Variants in HESX1 observed in about 807,000 individuals in gnomAD.
HESX1 encodes HESX homeobox 1.
Under a neutral mutation model 22.5 loss-of-function variants are expected in HESX1, and 11 were observed. The ratio of observed to expected loss-of-function variants is 0.49; its 90% CI spans 0.31 to 0.81. HESX1 has a LOEUF of 0.81. Ranked by LOEUF, HESX1 falls within the 30% of genes least tolerant of loss-of-function variation. The pLI, the probability that HESX1 is intolerant of heterozygous loss-of-function variation, is 0.05. For synonymous variants in HESX1, 74 were observed against 76.5 expected (o/e 0.97, Z 0.17); for missense variants, 201 against 212.6 (o/e 0.95, Z 0.34).
At chr3:57,211,606 G>C (rs1421411291) in intron 1 of HESX1, among the ~76,000 whole-genome samples, 1 of 148,434 alleles carries the variant, frequency 6.7e-6, no homozygotes, top group Non-Finnish European at 1.5e-5. Flanking sequence ...GCCAAGGCAG[G>C]TGGATCACAA....
upstream of HESX1, among the ~76,000 whole-genome samples, chr3:57,200,837 G>A (rs1007691862): frequency 6.6e-6 from 1 of 152,148 alleles, no homozygotes; most frequent in Admixed American, 6.5e-5. Flanking sequence ...TGAGGGATGG[G>A]CAGAGGATGG....
At chr3:57,217,116 T>C (rs1285037822) in intron 1 of HESX1, among the ~76,000 whole-genome samples, 2 of 152,148 alleles carry the variant, frequency 1.3e-5, no homozygotes, top group Non-Finnish European at 2.9e-5. Context: ...GGATAAGCCA[T>C]TCCTCCAAGG....
In HESX1 at chr3:57,198,913, G is replaced by A. The variant is rs761319560; in HGVS notation, c.197C>T (p.Pro66Leu). The change falls in exon 2 of 4, where the codon CCC becomes CTC. Residue 66 changes from proline (P) to leucine (L), a missense_variant. Transcript: ENST00000295934. ...CACGCTAGGGAATGAAATCCCACTG[G>A]GAGGATTTGGGACATGTAGACATAA... is the stretch of plus-strand genomic sequence containing the variant. ...GNLCLHVPNP[P>L]SGISFPSVVD... The A allele has an allele frequency of 6.2e-7, 1 of 1,614,046 alleles. No homozygotes were observed. Among genetic ancestry groups the A allele is most frequent in the South Asian group, 1.1e-5 (1 of 91,066 alleles).
chr3:57,199,643 T>A (rs1279908694), intron 1 of HESX1, 119 bp downstream of exon 1: 9 of 565,562 alleles, frequency 1.6e-5, no homozygotes, highest in Non-Finnish European at 2.0e-5. Context: ...AAATAATAAA[T>A]AATAATAATA....
upstream of HESX1, among the ~76,000 whole-genome samples, chr3:57,202,596 T>TA (rs1423263599): frequency 1.3e-5 from 2 of 152,120 alleles, no homozygotes; most frequent in Non-Finnish European, 2.9e-5. Flanking sequence ...CTCGGCCTCC[T>TA]AAAGTGGTGG....
chr3:57,210,404 G>C (rs982800814), intron 1 of HESX1, among the ~76,000 whole-genome samples: 2 of 152,134 alleles, frequency 1.3e-5, no homozygotes, highest in African/African-American at 4.8e-5. Flanking sequence ...TACTAGGTCT[G>C]AGGTGTTTTG....
chr3:57,216,588 G>A (rs908016695), intron 1 of HESX1, among the ~76,000 whole-genome samples: 8 of 152,196 alleles, frequency 5.3e-5, no homozygotes, highest in African/African-American at 1.7e-4. Flanking sequence ...TCCAGGCTAG[G>A]TGAGAGTGAG....
chr3:57,226,819 T>C (rs1392258396), upstream of HESX1, among the ~76,000 whole-genome samples: 1 of 152,196 alleles, frequency 6.6e-6, no homozygotes, highest in Non-Finnish European at 1.5e-5. Flanking sequence ...TGTTATTTTC[T>C]CTGTATAATG....
chr3:57,226,973 G>T (rs1358541963), upstream of HESX1, among the ~76,000 whole-genome samples: 2 of 152,178 alleles, frequency 1.3e-5, no homozygotes, highest in Admixed American at 6.6e-5. Context: ...TAAAATTAGA[G>T]GCTAAAACTA....
intron 1 of HESX1, among the ~76,000 whole-genome samples, chr3:57,206,140 G>A (rs1361888075): frequency 1.3e-5 from 2 of 152,124 alleles, no homozygotes; most frequent in East Asian, 1.9e-4. Flanking sequence ...GCAGTGAGCC[G>A]AGATCACGCC....
chr3:57,219,124 C>T (rs1421494617), intron 1 of HESX1, among the ~76,000 whole-genome samples: 1 of 152,076 alleles, frequency 6.6e-6, no homozygotes, highest in African/African-American at 2.4e-5. Flanking sequence ...CTGTTGTTCC[C>T]CTCTTTGTGT....
chr3:57,211,356 C>T (rs2060552256), intron 1 of HESX1, among the ~76,000 whole-genome samples: 1 of 151,654 alleles, frequency 6.6e-6, no homozygotes. Context: ...AGTGGGACCT[C>T]GTCTCTTCAA....
intron 1 of HESX1, among the ~76,000 whole-genome samples, chr3:57,217,710 T>C (rs2060590305): frequency 6.6e-6 from 1 of 152,110 alleles, no homozygotes; most frequent in African/African-American, 2.4e-5. Context: ...CCCTCACCCC[T>C]TGGGTTCTGA....
Position 57,198,125 on chromosome 3 carries a change from T to TA in HESX1, c.*71dup. 2.1e-6 allele frequency: 2 copies of TA among 959,888 alleles called. No individual in the cohort carries two copies. Among genetic ancestry groups the TA allele is most frequent in the Admixed American group, 3.8e-5 (2 of 53,332 alleles). The allele number at this position is 959,888 out of a possible 1,614,324, so 59.5% of individuals were successfully genotyped here. On this transcript the variant is annotated 3_prime_UTR_variant, in exon 4 of 4. Transcript: ENST00000295934. ...ATGCAGGAAAGAAAACATCACATTT[T>TA]AACACTTAATATTTCCACTGATTCT...
chr3:57,222,530 A>G (rs1263727912), intron 1 of HESX1, among the ~76,000 whole-genome samples: 1 of 152,274 alleles, frequency 6.6e-6, no homozygotes, highest in South Asian at 2.1e-4. Flanking sequence ...AAATTTTGGG[A>G]TTACAGCTGT....
upstream of HESX1, among the ~76,000 whole-genome samples, chr3:57,202,832 G>A (rs562806665): frequency 6.6e-6 from 1 of 152,326 alleles, no homozygotes; most frequent in Non-Finnish European, 1.5e-5. Context: ...GTGGAGGAGG[G>A]CCTAAGGAAG....
intron 1 of HESX1, among the ~76,000 whole-genome samples, chr3:57,206,091 T>A (rs985172758): frequency 2.0e-5 from 3 of 152,122 alleles, no homozygotes; most frequent in African/African-American, 7.2e-5. Flanking sequence ...CTGGGGCAGC[T>A]GAGGCAGGAG....
intron 1 of HESX1, among the ~76,000 whole-genome samples, chr3:57,211,191 C>G (rs1219420910): frequency 1.9e-5 from 2 of 104,404 alleles, no homozygotes; most frequent in Non-Finnish European, 3.8e-5. Flanking sequence ...GCACTCCAGC[C>G]TGGGCAACAG....
chr3:57,203,760 G>A (rs1426869373), upstream of HESX1, among the ~76,000 whole-genome samples: 1 of 152,058 alleles, frequency 6.6e-6, no homozygotes, highest in Non-Finnish European at 1.5e-5. Flanking sequence ...TCACCATGTT[G>A]GTCAGGCTGG....
Sources: allele counts gnomAD v4.1 joint callset (sites outside exome capture counted in the v4.1 genomes callset), GRCh38; gene constraint gnomAD v4.1.1; transcripts MANE v1.5; gene names NCBI Gene and HGNC (gene_info 2026-07-23, HGNC 2026-07-21).